The following BANK1 variants were observed in gnomAD, a reference collection of about 807,000 sequenced individuals.
BANK1 encodes B-cell scaffold protein with ankyrin repeats.
BANK1 carries 95 observed loss-of-function variants against 94.5 expected under a neutral mutation model. The ratio of observed to expected loss-of-function variants is 1.00; its 90% CI spans 0.85 to 1.19. BANK1 has a LOEUF of 1.19. Ranked by LOEUF, BANK1 falls within the 50% of genes most tolerant of loss-of-function variation. The probability of loss-of-function intolerance (pLI) is 0.00; values close to 1 mark genes in which losing one functional copy is unlikely to be tolerated. For missense variants in BANK1, 987 were observed against 932.2 expected, an observed-to-expected ratio of 1.06 and a Z score of -0.77; for synonymous variants, 334 against 308.4, an observed-to-expected ratio of 1.08 and a Z score of -0.87.
intron 1 of BANK1, among the ~76,000 whole-genome samples, chr4:101,828,046 C>T (rs1057339165): frequency 6.6e-6 from 1 of 151,666 alleles, no homozygotes; most frequent in Non-Finnish European, 1.5e-5. Flanking sequence ...ATTATTATAA[C>T]TATAAACACA....
intron 7 of BANK1, among the ~76,000 whole-genome samples, chr4:101,978,633 T>C (rs946658463): frequency 6.6e-5 from 10 of 152,032 alleles, no homozygotes; most frequent in Admixed American, 3.9e-4. Context: ...TTCTGAAATA[T>C]GTTAGGAAAA....
intron 2 of BANK1, among the ~76,000 whole-genome samples, chr4:101,853,368 G>C (rs1159171948): frequency 6.6e-6 from 1 of 152,100 alleles, no homozygotes; most frequent in Non-Finnish European, 1.5e-5. Flanking sequence ...TGGATACAGT[G>C]AGACCAATAT....
chr4:102,073,627 A>G, intron 15 of BANK1, 57 bp from the exon 16 acceptor site: 1 of 1,509,780 alleles, frequency 6.6e-7, no homozygotes, highest in African/African-American at 1.4e-5. Flanking sequence ...TCTTTGTTCA[A>G]CCTTAAAATA....
chr4:102,062,323 A>G (rs1728444507), intron 12 of BANK1: 1 of 152,102 alleles, frequency 6.6e-6, no homozygotes, highest in Non-Finnish European at 1.5e-5. Context: ...CACTGTCCTC[A>G]CCCCTACTCA....
At chr4:101,988,372 C>T (rs1725585292) in intron 7 of BANK1, among the ~76,000 whole-genome samples, 1 of 151,920 alleles carries the variant, frequency 6.6e-6, no homozygotes, top group African/African-American at 2.4e-5. Flanking sequence ...AGGGATGCTC[C>T]CTGAGAAATT....
At chr4:101,807,488 G>A (rs1394517236) in intron 1 of BANK1, among the ~76,000 whole-genome samples, 2 of 152,102 alleles carry the variant, frequency 1.3e-5, no homozygotes, top group Non-Finnish European at 2.9e-5. Flanking sequence ...GATTGGATAA[G>A]TATTCTAAAA....
intron 7 of BANK1, among the ~76,000 whole-genome samples, chr4:102,008,382 A>T (rs1726373455): frequency 6.6e-6 from 1 of 152,216 alleles, no homozygotes; most frequent in Non-Finnish European, 1.5e-5. Context: ...ACTGTAATCA[A>T]GGTCTCACAT....
intron 1 of BANK1, among the ~76,000 whole-genome samples, chr4:101,827,831 T>G (rs2148862391): frequency 6.6e-6 from 1 of 152,058 alleles, no homozygotes; most frequent in South Asian, 2.1e-4. Flanking sequence ...AGCCATAGTT[T>G]TTTCAAAGTT....
intron 7 of BANK1, among the ~76,000 whole-genome samples, chr4:102,004,919 T>C (rs749271023): frequency 2.0e-5 from 3 of 152,148 alleles, no homozygotes; most frequent in Non-Finnish European, 4.4e-5. Flanking sequence ...TATTGAATGC[T>C]ACGTGTAATA....
intron 7 of BANK1, among the ~76,000 whole-genome samples, chr4:102,015,143 CAATT>C (rs1222848272): frequency 1.3e-5 from 2 of 151,770 alleles, no homozygotes; most frequent in East Asian, 1.9e-4. Context: ...GTCTGATACC[CAATT>C]AATTAGTTTG....
intron 6 of BANK1, among the ~76,000 whole-genome samples, chr4:101,905,667 G>C (rs947582160): frequency 6.6e-6 from 1 of 152,050 alleles, no homozygotes; most frequent in Non-Finnish European, 1.5e-5. Context: ...TCCTGCCATT[G>C]CCTGTGCTAG....
intron 7 of BANK1, among the ~76,000 whole-genome samples, chr4:101,947,303 ATATATATATG>A (rs1294154515): frequency 2.5e-4 from 14 of 56,972 alleles, no homozygotes; most frequent in East Asian, 3.7e-4. Flanking sequence ...ATATATATAT[ATATATATATG>A]TATATGTATT....
chr4:102,017,976 T>C (rs1726767719), intron 7 of BANK1, among the ~76,000 whole-genome samples: 1 of 152,174 alleles, frequency 6.6e-6, no homozygotes, highest in South Asian at 2.1e-4. Context: ...ATTCCTGTAA[T>C]ATAAAAAGAA....
intron 2 of BANK1, among the ~76,000 whole-genome samples, chr4:101,854,439 C>T (rs1267002280): frequency 1.3e-5 from 2 of 152,082 alleles, no homozygotes; most frequent in Non-Finnish European, 2.9e-5. Context: ...TTTCAGTGTT[C>T]TTAGTAATAC....
chr4:102,017,613 C>T (rs921675042), intron 7 of BANK1, among the ~76,000 whole-genome samples: 1 of 152,220 alleles, frequency 6.6e-6, no homozygotes, highest in Non-Finnish European at 1.5e-5. Flanking sequence ...ATTTTCAATT[C>T]TGCCTTCCTA....
intron 2 of BANK1, among the ~76,000 whole-genome samples, chr4:101,845,226 A>G (rs1173422104): frequency 6.6e-6 from 1 of 152,070 alleles, no homozygotes; most frequent in Non-Finnish European, 1.5e-5. Context: ...ATATATACCT[A>G]CTATGTACCA....
intron 11 of BANK1, among the ~76,000 whole-genome samples, chr4:102,056,688 G>C (rs1728237950): frequency 6.6e-6 from 1 of 151,918 alleles, no homozygotes. Context: ...AAAAAATCAT[G>C]TTCTAAAATC....
At chr4:101,813,521 A>G (rs1358121021) in intron 1 of BANK1, among the ~76,000 whole-genome samples, 3 of 152,210 alleles carry the variant, frequency 2.0e-5, no homozygotes, top group Non-Finnish European at 4.4e-5. Flanking sequence ...TAGTTACTTG[A>G]TAATCCTTTC....
intron 3 of BANK1, among the ~76,000 whole-genome samples, chr4:101,858,073 T>A (rs1253339375): frequency 6.6e-6 from 1 of 152,198 alleles, no homozygotes; most frequent in Non-Finnish European, 1.5e-5. Flanking sequence ...TACTCTCCCG[T>A]TGGAATTACA....
Sources: allele counts gnomAD v4.1 joint callset (sites outside exome capture counted in the v4.1 genomes callset), GRCh38; gene constraint gnomAD v4.1.1; transcripts MANE v1.5; gene names NCBI Gene and HGNC (gene_info 2026-07-23, HGNC 2026-07-21).